Variants in SPATA17 observed in about 807,000 individuals in gnomAD.
SPATA17 encodes spermatogenesis associated 17, also known as spermatogenesis-associated protein 17.
SPATA17 carries 53 observed loss-of-function variants against 62.2 expected under a neutral mutation model. The ratio of observed to expected loss-of-function variants is 0.85; its 90% CI spans 0.68 to 1.07. The LOEUF (loss-of-function observed/expected upper bound fraction) is 1.07, where lower values mean the gene tolerates loss of function less well. SPATA17 is among the 50% of genes least tolerant of loss of function. The pLI is 0.00. For missense variants in SPATA17, 466 were observed against 425.5 expected (o/e 1.10, Z -0.84); for synonymous variants, 146 against 146.8 (o/e 0.99, Z 0.04).
intron 4 of SPATA17, 107 bp downstream of exon 4, chr1:217,669,190 A>C (rs1670779886): frequency 3.2e-6 from 3 of 923,548 alleles, no homozygotes; most frequent in Non-Finnish European, 5.2e-6. Context: ...TGATATGCTA[A>C]TGGTAAAGAG....
chr1:217,689,562 C>T (rs1197798621), intron 5 of SPATA17, among the ~76,000 whole-genome samples: 1 of 152,048 alleles, frequency 6.6e-6, no homozygotes, highest in Non-Finnish European at 1.5e-5. Context: ...ATTCTGAGAA[C>T]TATTAACAGG....
chr1:217,680,740 C>A (rs1671060206), intron 4 of SPATA17, among the ~76,000 whole-genome samples: 2 of 151,472 alleles, frequency 1.3e-5, no homozygotes, highest in African/African-American at 4.9e-5. Flanking sequence ...GCCTGGCCAA[C>A]ATGGTGAAAC....
chr1:217,683,660 T>G (rs1671152862), intron 5 of SPATA17, among the ~76,000 whole-genome samples: 1 of 152,156 alleles, frequency 6.6e-6, no homozygotes, highest in Non-Finnish European at 1.5e-5. Context: ...CAGGCTGGTC[T>G]CGAACTCCTG....
intron 5 of SPATA17, among the ~76,000 whole-genome samples, chr1:217,727,353 C>T (rs1207259912): frequency 6.6e-6 from 1 of 151,330 alleles, no homozygotes; most frequent in African/African-American, 2.4e-5. Flanking sequence ...TTGGGCCCTT[C>T]ATTTTTGCAT....
intron 10 of SPATA17, among the ~76,000 whole-genome samples, chr1:217,865,966 CA>C (rs1676002331): frequency 6.6e-6 from 1 of 152,070 alleles, no homozygotes; most frequent in African/African-American, 2.4e-5. Context: ...GGCATATGAA[CA>C]ACTCAGCTAA....
intron 3 of SPATA17, among the ~76,000 whole-genome samples, chr1:217,665,894 A>G (rs75330221): frequency 1.3e-5 from 2 of 152,228 alleles, no homozygotes; most frequent in African/African-American, 4.8e-5. Context: ...CAAAGGCCAC[A>G]TAGAGCTAAC....
chr1:217,823,922 C>T (rs139976671), intron 9 of SPATA17, among the ~76,000 whole-genome samples: 5 of 152,028 alleles, frequency 3.3e-5, no homozygotes, highest in African/African-American at 1.2e-4. Context: ...ATCAATACTC[C>T]TGCTTTCTTT....
At position 217,803,137 on chromosome 1, in the gene SPATA17, C is replaced by A. The variant is rs559223496; in HGVS notation, c.1005+1287C>A. Among the ~76,000 whole-genome samples, 7 of 152,288 alleles carry A rather than the reference C, an allele frequency of 4.6e-5. No individual in the cohort carries two copies. The East Asian group carries it at 1.4e-3, about 30-fold the overall frequency. The stretch of plus-strand genomic sequence containing the variant: ...CCCTGTTAGCCACGATGGTCTCCTT[C>A]TCCTGACCTGGTGATCTGCCCGCCT... On this transcript the variant is annotated intron_variant, in intron 9 of 10. Coordinates refer to ENST00000366933, the MANE Select transcript of SPATA17 (RefSeq NM_138796.4).
chr1:217,661,790 G>T (rs1325410968), intron 3 of SPATA17, among the ~76,000 whole-genome samples: 1 of 152,038 alleles, frequency 6.6e-6, no homozygotes, highest in African/African-American at 2.4e-5. Flanking sequence ...TTGTCACCTG[G>T]TGCATGTGCT....
At chr1:217,698,414 A>G (rs982625262) in intron 5 of SPATA17, among the ~76,000 whole-genome samples, 3 of 151,976 alleles carry the variant, frequency 2.0e-5, no homozygotes, top group African/African-American at 7.3e-5. Flanking sequence ...AGCCTGGGCA[A>G]CAGAGTGAGG....
intron 5 of SPATA17, among the ~76,000 whole-genome samples, chr1:217,686,593 C>T (rs535733012): frequency 5.9e-5 from 9 of 152,084 alleles, no homozygotes; most frequent in African/African-American, 2.2e-4. Context: ...TTAAAAGACG[C>T]GTAATTTCTT....
At chr1:217,788,800 T>C (rs137895013) in intron 8 of SPATA17, among the ~76,000 whole-genome samples, 5 of 152,302 alleles carry the variant, frequency 3.3e-5, no homozygotes, top group Admixed American at 3.3e-4. Context: ...ACCTCAAGAA[T>C]GATAAGTTAA....
chr1:217,808,489 A>C (rs1464601495), intron 9 of SPATA17, among the ~76,000 whole-genome samples: 1 of 152,158 alleles, frequency 6.6e-6, no homozygotes, highest in Non-Finnish European at 1.5e-5. Flanking sequence ...GATTCTATTA[A>C]TAGTCTATCA....
intron 9 of SPATA17, among the ~76,000 whole-genome samples, chr1:217,847,066 T>C (rs1332832275): frequency 6.6e-6 from 1 of 152,006 alleles, no homozygotes; most frequent in Non-Finnish European, 1.5e-5. Flanking sequence ...AAATTATTTT[T>C]CTCCTAGATT....
Position 217,761,240 on chromosome 1 carries a change from T to G in SPATA17, c.520-13094T>G, listed in dbSNP as rs1673166921. Among the ~76,000 whole-genome samples, 3 of 152,344 alleles carry G rather than the reference T, an allele frequency of 2.0e-5. No individual in the cohort carries two copies. The South Asian group carries it at 6.2e-4, about 32-fold the overall frequency. On this transcript the variant is annotated intron_variant, in intron 6 of 10. Coordinates refer to ENST00000366933, the MANE Select transcript of SPATA17 (RefSeq NM_138796.4). ...CTTTTTCTCCTTCTCTGGTCATTTC[T>G]TCTCAGTCTTCTTCAGTAATTTCTG...
chr1:217,826,617 G>A (rs1237343820), intron 9 of SPATA17, among the ~76,000 whole-genome samples: 2 of 151,926 alleles, frequency 1.3e-5, no homozygotes, highest in Non-Finnish European at 2.9e-5. Flanking sequence ...GTGAGGGTTG[G>A]TATTTTTATG....
At chr1:217,850,717 A>G in intron 9 of SPATA17, 2 of 1,056,418 alleles carry the variant, frequency 1.9e-6, no homozygotes, top group Non-Finnish European at 2.8e-6. Flanking sequence ...TCACCCGACA[A>G]AGCCATTCAC....
At chr1:217,798,828 A>T (rs1031687977) in intron 8 of SPATA17, among the ~76,000 whole-genome samples, 1 of 151,508 alleles carries the variant, frequency 6.6e-6, no homozygotes, top group Admixed American at 6.6e-5. Context: ...ACCTGTACTG[A>T]TAGGAGACAA....
At chr1:217,771,481 AAT>A (rs2102970143) in intron 6 of SPATA17, among the ~76,000 whole-genome samples, 1 of 152,268 alleles carries the variant, frequency 6.6e-6, no homozygotes, top group African/African-American at 2.4e-5. Context: ...CAATTGAGAC[AAT>A]AGTATGTTAA....
Sources: allele counts gnomAD v4.1 joint callset (sites outside exome capture counted in the v4.1 genomes callset), GRCh38; gene constraint gnomAD v4.1.1; transcripts MANE v1.5; gene names NCBI Gene and HGNC (gene_info 2026-07-23, HGNC 2026-07-21).